PRPF8: variants seen among roughly 807,000 people sequenced by gnomAD.
PRPF8 encodes the protein pre-mRNA processing factor 8.
Under a neutral mutation model 285.9 loss-of-function variants are expected in PRPF8, and 64 were observed. The ratio of observed to expected loss-of-function variants is 0.22; its 90% CI spans 0.18 to 0.28. The LOEUF (loss-of-function observed/expected upper bound fraction) is 0.28, where lower values mean the gene tolerates loss of function less well. Among genes scored for constraint, PRPF8 ranks in the 10% least tolerant of loss-of-function variants. The pLI, the probability that PRPF8 is intolerant of heterozygous loss-of-function variation, is 1.00. For missense variants in PRPF8, 1,426 were observed against 3,026.7 expected (o/e 0.47, Z 12.41); for synonymous variants, 1,325 against 1,118.2 (o/e 1.18, Z -3.69).
intron 30 of PRPF8, 92 bp downstream of exon 30, chr17:1,660,340 T>G (rs1911615859): frequency 6.2e-7 from 1 of 1,600,914 alleles, no homozygotes. Context: ...TCCCCTCGAT[T>G]CCACCTGAGC....
intron 30 of PRPF8, 128 bp from the exon 31 acceptor site, chr17:1,660,129 AAAAGAG>A: frequency 8.3e-7 from 1 of 1,203,128 alleles, no homozygotes; most frequent in Non-Finnish European, 1.2e-6. Context: ...TCCCATATGC[AAAAGAG>A]CAAGCTGAGC....
At position 1,650,772 on chromosome 17, in the gene PRPF8, G is replaced by A. The variant is rs773276681; in HGVS notation, c.*30C>T. The A allele has an allele frequency of 3.1e-6, 5 of 1,612,794 alleles. No homozygotes were observed. The highest frequency in any genetic ancestry group is 3.4e-6 in the Non-Finnish European group (4 of 1,179,654). On this transcript the variant is annotated 3_prime_UTR_variant, in exon 43 of 43. Transcript: ENST00000304992. ...CTGGAGGGGCTGAGGCTTCGGCCTC[G>A]GGAGGCTGAAGCAGGAGGCAGGGAA...
rs749752508 is a variant in PRPF8, at chr17:1,676,535, T to C, written c.2358A>G (p.Ala786=). The part of the protein sequence containing the change: ...LGRLTRLYLK[A]EQERQHNYLK... ...GGTAGTTGTGCTGCCGCTCCTGTTC[T>C]GCCTTCAGATAGAGCCGGGTGAGGC... The change falls in exon 16 of 43, where the codon GCA becomes GCG. Residue 786 remains alanine, a synonymous_variant. Coordinates refer to ENST00000304992, the MANE Select transcript of PRPF8 (RefSeq NM_006445.4). This position sits in a 1 kb window ranked among gnomAD's most constrained non-coding sequence, Gnocchi z 6.3. 1.2e-6 allele frequency: 2 copies of C among 1,614,192 alleles called. No homozygotes were observed. The highest frequency in any genetic ancestry group is 1.3e-5 in the African/African-American group (1 of 75,048).
intron 24 of PRPF8, among the ~76,000 whole-genome samples, chr17:1,663,768 T>C (rs988725902): frequency 5.0e-5 from 3 of 59,896 alleles, no homozygotes; most frequent in Admixed American, 1.8e-4. Flanking sequence ...CTATAGGAAA[T>C]AAACTTTAGT....
Position 1,679,822 on chromosome 17 carries a change from G to C in PRPF8, c.1099-23C>G, listed in dbSNP as rs150020396. On this transcript the variant is annotated intron_variant, in intron 8 of 42. Transcript: ENST00000304992. The surrounding 1 kb of genome is among the most constrained non-coding windows in gnomAD (Gnocchi z 4.7). ...GCTCTGAAAAAGGAATCCCTCTAAG[G>C]GTTTAGCTCCTGCTGAACTAGGCAC... 3.6e-3 allele frequency: 5,863 copies of C among 1,613,772 alleles called. 36 individuals carry two copies. The highest frequency in any genetic ancestry group is 2.9e-3 in the Non-Finnish European group (3,445 of 1,179,668).
chr17:1,654,821 G>T, intron 37 of PRPF8: 1 of 162,490 alleles, frequency 6.2e-6, no homozygotes, highest in Non-Finnish European at 1.4e-5. Flanking sequence ...TGGTAGAGAT[G>T]GCGTCAGTCT....
rs200259416 is a variant in PRPF8, at chr17:1,661,100, C to T, written c.4401G>A (p.Leu1467=). 6 of 1,614,240 alleles carry T rather than the reference C, an allele frequency of 3.7e-6. No homozygotes were observed. The highest frequency in any genetic ancestry group is 4.2e-6 in the Non-Finnish European group (5 of 1,180,044). ...HQRHDGKLWN[L]NNYRTDMIQA... ...GGATCATGTCTGTACGGTAGTTGTTCAGGTTCCAGAGCTTCCCATCATGCC... is the reference window on the plus strand; with the variant it reads ...GGATCATGTCTGTACGGTAGTTGTTTAGGTTCCAGAGCTTCCCATCATGCC... Residue 1467 remains leucine (L), a synonymous_variant, in exon 28 of 43, where the codon CTG becomes CTA. Coordinates refer to ENST00000304992, the MANE Select transcript of PRPF8 (RefSeq NM_006445.4). This position sits in a 1 kb window ranked among gnomAD's most constrained non-coding sequence, Gnocchi z 7.3.
At position 1,684,591 on chromosome 17, in the gene PRPF8, C is replaced by G. The variant is rs749047096; in HGVS notation, c.-11-9G>C. 8.7e-6 allele frequency: 14 copies of G among 1,611,272 alleles called. No individual in the cohort carries two copies. Among genetic ancestry groups the G allele is most frequent in the South Asian group, 4.4e-5 (4 of 91,032 alleles). ...GGCCATATCCGGAGAATCTGGGGAGCGGCGGGATAGAAAAATTCACTAACC... is the reference window on the plus strand; with the variant it reads ...GGCCATATCCGGAGAATCTGGGGAGGGGCGGGATAGAAAAATTCACTAACC... On this transcript the variant is annotated splice_polypyrimidine_tract_variant and intron_variant, in intron 1 of 42. Coordinates refer to ENST00000304992, the MANE Select transcript of PRPF8 (RefSeq NM_006445.4).
At position 1,658,773 on chromosome 17, in the gene PRPF8, T is replaced by A. The variant is rs1597230486; in HGVS notation, c.5139-10A>T. 6.2e-7 allele frequency: 1 copy of A among 1,612,464 alleles called. No individual in the cohort carries two copies. The highest frequency in any genetic ancestry group is 2.2e-5 in the East Asian group (1 of 44,856). On this transcript the variant is annotated splice_polypyrimidine_tract_variant and intron_variant, in intron 32 of 42. Transcript: ENST00000304992. This position sits in a 1 kb window ranked among gnomAD's most constrained non-coding sequence, Gnocchi z 4.1. Reference sequence around the variant, plus strand: ...CCAGTTTCCATAGGCACTGTGAGGATAAAAGGGTCAAGAAAAGTTAAGACG... The same window carrying A: ...CCAGTTTCCATAGGCACTGTGAGGAAAAAAGGGTCAAGAAAAGTTAAGACG...
chr17:1,652,738 C>T, intron 39 of PRPF8: 1 of 125,772 alleles, frequency 8.0e-6, no homozygotes, highest in Admixed American at 8.6e-5. Flanking sequence ...TTTGTAGAGA[C>T]TCCATTTCGT....
At chr17:1,671,591 C>T (rs931167898) in intron 24 of PRPF8, among the ~76,000 whole-genome samples, 2 of 152,098 alleles carry the variant, frequency 1.3e-5, no homozygotes, top group African/African-American at 4.8e-5. Context: ...GTGGCTCACG[C>T]CTGTAATCCC....
In PRPF8 at chr17:1,651,266, G is replaced by A; in HGVS notation, c.6695C>T (p.Pro2232Leu). 1 of 1,614,154 alleles carries A rather than the reference G, an allele frequency of 6.2e-7. No individual in the cohort carries two copies. Among genetic ancestry groups the A allele is most frequent in the Non-Finnish European group, 8.5e-7 (1 of 1,180,038 alleles). Residue 2232 changes from proline (P) to leucine (L), a missense_variant, in exon 42 of 43, where the codon CCC becomes CTC. By Grantham distance (98) the Pro-to-Leu change is moderately conservative (BLOSUM62 -3). Around this residue, in one of 34 missense-constraint regions of PRPF8, gnomAD observed 160 missense variants for 373.7 expected, o/e 0.43. Transcript: ENST00000304992. This position sits in a 1 kb window ranked among gnomAD's most constrained non-coding sequence, Gnocchi z 5.1. ...SCTLTAYKLT[P>L]SGYEWGRQNT... ...CTGGCGGCCCCATTCGTAGCCACTG[G>A]GGGTCAGCTTGTAGGCCGTCAGTGT...
chr17:1,675,520 C>T lies in PRPF8; in HGVS notation c.2872+100G>A. 2 of 1,512,004 alleles carry T rather than the reference C, an allele frequency of 1.3e-6. No homozygotes were observed. The highest frequency in any genetic ancestry group is 2.2e-5 in the South Asian group (2 of 89,020). The allele number at this position is 1,512,004 out of a possible 1,614,324, so 93.7% of individuals were successfully genotyped here. On this transcript the variant is annotated intron_variant, in intron 19 of 42. Coordinates refer to ENST00000304992, the MANE Select transcript of PRPF8 (RefSeq NM_006445.4). The surrounding 1 kb of genome is among the most constrained non-coding windows in gnomAD (Gnocchi z 6.0). Reference sequence around the variant, plus strand: ...AACACTACTTCCCTTTACTACCACGCATCAAGAGAGTAAACCAATCATGCT... The same window carrying T: ...AACACTACTTCCCTTTACTACCACGTATCAAGAGAGTAAACCAATCATGCT...
chr17:1,661,459 A>G lies in PRPF8; in HGVS notation c.4203-53T>C. On this transcript the variant is annotated intron_variant, in intron 26 of 42. Coordinates refer to ENST00000304992, the MANE Select transcript of PRPF8 (RefSeq NM_006445.4). The surrounding 1 kb of genome is among the most constrained non-coding windows in gnomAD (Gnocchi z 7.3). ...AAACGTGATCTCATATGAGGAGCTC[A>G]GCACTCCTTCCTGGCCAAAAATAAT... 2 of 1,613,602 alleles carry G rather than the reference A, an allele frequency of 1.2e-6. No homozygotes were observed. The highest frequency in any genetic ancestry group is 1.7e-6 in the Non-Finnish European group (2 of 1,179,904).
intron 37 of PRPF8, chr17:1,654,958 CT>C (rs922886665): frequency 0.023 from 3,579 of 158,960 alleles, no homozygotes; most frequent in South Asian, 0.055. Flanking sequence ...TGAGAAACGT[CT>C]TTTTTTTTTT....
At chr17:1,652,721 T>G (rs1441654860) in intron 39 of PRPF8, 2 of 145,484 alleles carry the variant, frequency 1.4e-5, no homozygotes, top group African/African-American at 5.1e-5. Flanking sequence ...AGTTTTTTTT[T>G]TTTTTTTTTG....
Position 1,655,554 on chromosome 17 carries a change from A to G in PRPF8, c.5794-11T>C, listed in dbSNP as rs187602609. 2.6e-5 allele frequency: 42 copies of G among 1,607,154 alleles called. No homozygotes were observed. The Middle Eastern group carries it at 5.0e-4, about 19-fold the overall frequency. On this transcript the variant is annotated splice_polypyrimidine_tract_variant and intron_variant, in intron 36 of 42. Transcript: ENST00000304992. ...GAGACGGGAGAAGGCCTGGGAAAAG[A>G]TTTGGAAGAGTGGGGTAGGTCAGCT... is the stretch of plus-strand genomic sequence containing the variant.
At position 1,658,453 on chromosome 17, in the gene PRPF8, T is replaced by C; in HGVS notation, c.5377-72A>G. 1 of 1,614,048 alleles carries C rather than the reference T, an allele frequency of 6.2e-7. No individual in the cohort carries two copies. Among genetic ancestry groups the C allele is most frequent in the Non-Finnish European group, 8.5e-7 (1 of 1,179,886 alleles). ...CATCCTGCCTTCTTCCCAGCATGTG[T>C]ACACACTTAGCCCATTACTCTCCCA... On this transcript the variant is annotated intron_variant, in intron 33 of 42. Transcript: ENST00000304992. The surrounding 1 kb of genome is among the most constrained non-coding windows in gnomAD (Gnocchi z 4.1).
At position 1,679,757 on chromosome 17, in the gene PRPF8, G is replaced by A. The variant is rs757861121; in HGVS notation, c.1141C>T (p.Pro381Ser). 6.2e-7 allele frequency: 1 copy of A among 1,614,150 alleles called. No individual in the cohort carries two copies. The highest frequency in any genetic ancestry group is 1.7e-5 in the Admixed American group (1 of 59,996). The change falls in exon 9 of 43, where the codon CCG (proline) becomes TCG (serine). Residue 381 changes from proline (P) to serine (S), a missense_variant. Around this residue, in one of 34 missense-constraint regions of PRPF8, gnomAD observed 137 missense variants for 161.2 expected, o/e 0.85. Coordinates refer to ENST00000304992, the MANE Select transcript of PRPF8 (RefSeq NM_006445.4). This position sits in a 1 kb window ranked among gnomAD's most constrained non-coding sequence, Gnocchi z 4.7. Reference protein sequence around the residue: ...LPDDDEEFELPEFVEPFLKDT... With the variant: ...LPDDDEEFELSEFVEPFLKDT... Reference sequence around the variant, plus strand: ...TTCAGGAAGGGCTCCACAAACTCCGGGAGCTCAAATTCCTCATCATCATCC... The same window carrying A: ...TTCAGGAAGGGCTCCACAAACTCCGAGAGCTCAAATTCCTCATCATCATCC...
Sources: allele counts gnomAD v4.1 joint callset (sites outside exome capture counted in the v4.1 genomes callset), GRCh38; gene constraint gnomAD v4.1.1; regional missense constraint gnomAD v4.1.1; non-coding constraint Gnocchi (gnomAD v3.1); transcripts MANE v1.5; gene names NCBI Gene and HGNC (gene_info 2026-07-23, HGNC 2026-07-21).